GALNT7: variants seen among roughly 807,000 people sequenced by gnomAD.
GALNT7 encodes the protein N-acetylgalactosaminyltransferase 7.
GALNT7 carries 60 observed loss-of-function variants against 82.1 expected under a neutral mutation model. The ratio of observed to expected loss-of-function variants is 0.73; its 90% CI spans 0.59 to 0.91. GALNT7 has a LOEUF of 0.91. GALNT7 is among the 40% of genes least tolerant of loss of function. GALNT7 has a pLI of 0.00. For missense variants in GALNT7, 660 were observed against 804.2 expected, an observed-to-expected ratio of 0.82 and a Z score of 2.17; for synonymous variants, 243 against 275.1, an observed-to-expected ratio of 0.88 and a Z score of 1.15.
chr4:173,290,491 G>C (rs1266230374), intron 2 of GALNT7, among the ~76,000 whole-genome samples: 3 of 152,144 alleles, frequency 2.0e-5, no homozygotes, highest in Admixed American at 2.0e-4. Flanking sequence ...TAGGAGATGA[G>C]ATTTGACATC....
At position 173,248,186 on chromosome 4, in the gene GALNT7, G is replaced by T. The variant is rs758084031; in HGVS notation, c.333G>T (p.Gln111His). ...GDSQKDIMQR[Q>H]YLTFKPQTFT... Reference sequence around the variant, plus strand: ...CCCAGAAAGATATCATGCAGAGGCAGTATCTCACATTTAAGCCTCAGACAT... The same window carrying T: ...CCCAGAAAGATATCATGCAGAGGCATTATCTCACATTTAAGCCTCAGACAT... Residue 111 changes from glutamine (Q) to histidine (H), a missense_variant, in exon 2 of 12, where the codon CAG becomes CAT. By Grantham distance (24) the Gln-to-His change is conservative. Around this residue, in one of 2 missense-constraint regions of GALNT7, gnomAD observed 527 missense variants for 683.5 expected, o/e 0.77. Coordinates refer to ENST00000265000, the MANE Select transcript of GALNT7 (RefSeq NM_017423.3). The T allele has an allele frequency of 8.1e-6, 13 of 1,613,648 alleles. No homozygotes were observed. The highest frequency in any genetic ancestry group is 1.1e-5 in the South Asian group (1 of 91,080).
At chr4:173,216,034 G>C (rs1733439611) in intron 1 of GALNT7, among the ~76,000 whole-genome samples, 1 of 152,144 alleles carries the variant, frequency 6.6e-6, no homozygotes, top group Non-Finnish European at 1.5e-5. Context: ...TGAGGTGGGA[G>C]GATGGCTTGA....
rs568408616 is a variant in GALNT7 at position 173,184,490 on chromosome 4, C to G, written c.126+15529C>G. On this transcript the variant is annotated intron_variant, in intron 1 of 11. Transcript: ENST00000265000. ...GCGCCCGCCTGCAATCCCAGGCACT[C>G]GGCAGGCTGAGGCAGGAGAATCAGG... 4.6e-5 allele frequency among the ~76,000 whole-genome samples: 7 copies of G among 151,694 alleles called. No individual in the cohort carries two copies. In the South Asian group the frequency reaches 8.4e-4, roughly 18 times the overall value.
At position 173,298,232 on chromosome 4, in the gene GALNT7, C is replaced by G; in HGVS notation, c.1083C>G (p.Leu361=). The change falls in exon 6 of 12, where the codon CTC becomes CTG. Residue 361 remains leucine, a synonymous_variant. Transcript: ENST00000265000. The part of the protein sequence containing the change: ...YARGAWDWSM[L]WKRVPLTPQE... ...GAGGAGCATGGGATTGGAGTATGCT[C>G]TGGAAACGGGTGCCTCTGACCCCTC... The G allele has an allele frequency of 4.3e-6, 7 of 1,612,040 alleles. No individual in the cohort carries two copies. The highest frequency in any genetic ancestry group is 5.9e-6 in the Non-Finnish European group (7 of 1,179,230).
Position 173,302,158 on chromosome 4 carries a change from A to C in GALNT7, c.1260A>C (p.Ser420=), listed in dbSNP as rs1176795957. 7.8e-7 allele frequency: 1 copy of C among 1,282,270 alleles called. No individual in the cohort carries two copies. The highest frequency in any genetic ancestry group is 1.7e-5 in the Admixed American group (1 of 59,566). 79.4% of individuals were successfully genotyped at this position (1,282,270 alleles called of 1,614,324 possible). The change falls in exon 7 of 12, where the codon TCA becomes TCC. Residue 420 remains serine (S), a synonymous_variant. Coordinates refer to ENST00000265000, the MANE Select transcript of GALNT7 (RefSeq NM_017423.3). This position sits in a 1 kb window ranked among gnomAD's most constrained non-coding sequence, Gnocchi z 4.2. ...QIWGGENFEI[S]YKIWQCGGKL... ...GGGGTGGTGAAAACTTTGAGATCTC[A>C]TACAAGGTAACATTTTATTTCAACA...
chr4:173,242,208 G>GA (rs1044037134), intron 1 of GALNT7, among the ~76,000 whole-genome samples: 5 of 152,042 alleles, frequency 3.3e-5, no homozygotes, highest in Non-Finnish European at 5.9e-5. Context: ...TAAAGAAAGG[G>GA]AAAAAAAAGA....
intron 1 of GALNT7, among the ~76,000 whole-genome samples, chr4:173,197,394 C>A (rs1190663738): frequency 1.3e-5 from 2 of 152,108 alleles, no homozygotes; most frequent in Non-Finnish European, 2.9e-5. Context: ...GTTTTATACA[C>A]CCTAGAGTGG....
At chr4:173,171,769 A>C (rs892637611) in intron 1 of GALNT7, among the ~76,000 whole-genome samples, 2 of 152,216 alleles carry the variant, frequency 1.3e-5, no homozygotes, top group African/African-American at 4.8e-5. Context: ...ATTATATACC[A>C]GGCATGGTAC....
At chr4:173,288,301 A>AAAAAAAAAAAAAAAAAAAG (rs1289159201) in intron 2 of GALNT7, among the ~76,000 whole-genome samples, 2 of 148,266 alleles carry the variant, frequency 1.3e-5, no homozygotes, top group African/African-American at 5.2e-5. Context: ...AAAAAAAAAA[A>AAAAAAAAAAAAAAAAAAAG]AAAAGAAAAG....
intron 1 of GALNT7, among the ~76,000 whole-genome samples, chr4:173,188,938 C>G (rs777941974): frequency 6.6e-6 from 1 of 152,172 alleles, no homozygotes; most frequent in Non-Finnish European, 1.5e-5. Context: ...TTCCCCTGTC[C>G]GCTGCTGAGT....
intron 2 of GALNT7, among the ~76,000 whole-genome samples, chr4:173,279,924 AAG>A (rs1405432493): frequency 6.6e-6 from 1 of 152,168 alleles, no homozygotes; most frequent in Non-Finnish European, 1.5e-5. Flanking sequence ...GCAGTGAGGC[AAG>A]ACCATGCCAC....
At chr4:173,171,267 T>C (rs1023399859) in intron 1 of GALNT7, among the ~76,000 whole-genome samples, 8 of 152,206 alleles carry the variant, frequency 5.3e-5, no homozygotes, top group Non-Finnish European at 1.0e-4. Context: ...GTAGGGAGGA[T>C]TCTGACTCCT....
rs73872559 is a variant in GALNT7, at chr4:173,321,836, C to T, written c.*119C>T. On this transcript the variant is annotated 3_prime_UTR_variant, in exon 12 of 12. Coordinates refer to ENST00000265000, the MANE Select transcript of GALNT7 (RefSeq NM_017423.3). ...CTCTGTATAGCTCCAAACCTGGAAC[C>T]TCCTGATCAGTTTGAAGGACATTGA... The T allele has an allele frequency of 9.7e-4, 624 of 642,226 alleles. 3 individuals carry two copies. In the African/African-American group the frequency reaches 1.0e-2, roughly 10 times the overall value. 39.8% of individuals were successfully genotyped at this position (642,226 alleles called of 1,614,324 possible). A position where few individuals can be genotyped will look rare whatever the true frequency, so the allele number is the denominator to read the frequency against.
chr4:173,286,823 A>G (rs1736340110), intron 2 of GALNT7, among the ~76,000 whole-genome samples: 1 of 152,234 alleles, frequency 6.6e-6, no homozygotes, highest in African/African-American at 2.4e-5. Flanking sequence ...GTTAAAGGAA[A>G]TGGGCATCCT....
intron 2 of GALNT7, among the ~76,000 whole-genome samples, chr4:173,265,456 T>G (rs1310792433): frequency 1.3e-5 from 2 of 152,162 alleles, no homozygotes; most frequent in Non-Finnish European, 2.9e-5. Context: ...CCCGTATATT[T>G]CCTTATCCTT....
chr4:173,170,675 A>G (rs1731830556), intron 1 of GALNT7, among the ~76,000 whole-genome samples: 1 of 152,224 alleles, frequency 6.6e-6, no homozygotes, highest in Non-Finnish European at 1.5e-5. Flanking sequence ...ACAAAGGATA[A>G]CTGAATATTG....
intron 1 of GALNT7, among the ~76,000 whole-genome samples, chr4:173,236,468 A>G (rs17059234): frequency 0.12 from 17,996 of 152,108 alleles, 1,373 homozygotes; most frequent in Non-Finnish European, 0.17. Flanking sequence ...CATTTGCTCT[A>G]TCCGAGTACT....
chr4:173,205,479 G>A (rs1350413583), intron 1 of GALNT7, among the ~76,000 whole-genome samples: 1 of 151,956 alleles, frequency 6.6e-6, no homozygotes, highest in Non-Finnish European at 1.5e-5. Context: ...ACTTTATTCT[G>A]TTCTTCTCTC....
intron 1 of GALNT7, among the ~76,000 whole-genome samples, chr4:173,243,288 G>A (rs1309282985): frequency 2.0e-5 from 3 of 152,154 alleles, no homozygotes; most frequent in Non-Finnish European, 4.4e-5. Flanking sequence ...GTTGTAAGGT[G>A]GATGGTTACT....
Sources: gnomAD v4.1 joint callset for allele counts (sites outside exome capture counted in the v4.1 genomes callset) on GRCh38, gnomAD v4.1.1 for gene constraint, gnomAD v4.1.1 regional missense constraint, Gnocchi (gnomAD v3.1) non-coding constraint, MANE v1.5 for transcripts, NCBI Gene and HGNC (gene_info 2026-07-23, HGNC 2026-07-21) for gene names.